The following DOCK1 variants were observed in gnomAD, a reference collection of about 807,000 sequenced individuals.
The protein encoded by DOCK1 is dedicator of cytokinesis protein 1.
In DOCK1, 138 loss-of-function variants were observed where a neutral mutation model predicts 262.7. That is an observed-to-expected ratio of 0.53 (90% CI 0.46 to 0.61). DOCK1 has a LOEUF of 0.61. Ranked by LOEUF, DOCK1 falls within the 20% of genes least tolerant of loss-of-function variation. The pLI, the probability that DOCK1 is intolerant of heterozygous loss-of-function variation, is 0.00. For missense variants in DOCK1, 1,908 were observed against 2,370.7 expected (o/e 0.80, Z 4.05); for synonymous variants, 866 against 867.4 (o/e 1.00, Z 0.03).
At chr10:127,107,232 T>G (rs2048585594) in intron 24 of DOCK1, among the ~76,000 whole-genome samples, 1 of 152,156 alleles carries the variant, frequency 6.6e-6, no homozygotes, top group Non-Finnish European at 1.5e-5. Flanking sequence ...AAGACACCAT[T>G]TTTTACCGGC....
At chr10:127,303,493 T>A (rs988966659) in intron 29 of DOCK1, among the ~76,000 whole-genome samples, 5 of 152,070 alleles carry the variant, frequency 3.3e-5, no homozygotes, top group African/African-American at 1.2e-4. Flanking sequence ...ACACTGATAC[T>A]TTCTGAGCTA....
At chr10:127,433,817 A>G (rs1018668585) in intron 48 of DOCK1, among the ~76,000 whole-genome samples, 1 of 151,374 alleles carries the variant, frequency 6.6e-6, no homozygotes, top group Admixed American at 6.6e-5. Context: ...ACAGTATGAG[A>G]TTGTTTTTGT....
intron 27 of DOCK1, among the ~76,000 whole-genome samples, chr10:127,225,076 CT>C (rs1401397174): frequency 6.6e-6 from 1 of 152,144 alleles, no homozygotes. Flanking sequence ...ACCATTAAAT[CT>C]ATTCTCTTCC....
chr10:127,387,538 C>T (rs1428076315), intron 38 of DOCK1, among the ~76,000 whole-genome samples: 2 of 152,162 alleles, frequency 1.3e-5, no homozygotes, highest in Admixed American at 6.5e-5. Flanking sequence ...TCTCCAGCCA[C>T]GGAAACATCC....
At chr10:126,934,534 A>G (rs929336709) in intron 1 of DOCK1, among the ~76,000 whole-genome samples, 2 of 152,220 alleles carry the variant, frequency 1.3e-5, no homozygotes, top group East Asian at 3.9e-4. Flanking sequence ...GAGTTATAAC[A>G]TTATCTTTAA....
chr10:126,963,633 C>CCTTCCTTCCTTCCTTCCTTCCTTCCTT (rs1491540313), intron 1 of DOCK1, among the ~76,000 whole-genome samples: 14 of 65,866 alleles, frequency 2.1e-4, no homozygotes, highest in African/African-American at 1.0e-3. Context: ...CCCTTCCCTT[C>CCTTCCTTCCTTCCTTCCTTCCTTCCTT]CCTTCCCTCC....
At chr10:127,393,286 C>A (rs781342779) in intron 38 of DOCK1, among the ~76,000 whole-genome samples, 3 of 152,178 alleles carry the variant, frequency 2.0e-5, no homozygotes, top group Non-Finnish European at 2.9e-5. Context: ...CCAGGTGGGA[C>A]GTCAGTCTGG....
At chr10:126,948,931 G>T (rs1454914245) in intron 1 of DOCK1, among the ~76,000 whole-genome samples, 2 of 152,158 alleles carry the variant, frequency 1.3e-5, no homozygotes, top group African/African-American at 2.4e-5. Context: ...CTGGTTGTAT[G>T]CCTGGGCCCC....
rs1318334486 is a variant in DOCK1 at position 127,437,258 on chromosome 10, C to A, written c.5061-1769C>A. Among the ~76,000 whole-genome samples the A allele has an allele frequency of 1.3e-5, 2 of 152,116 alleles. No homozygotes were observed. The highest frequency in any genetic ancestry group is 2.4e-5 in the African/African-American group (1 of 41,414). On this transcript the variant is annotated intron_variant, in intron 48 of 51. Coordinates refer to ENST00000623213, the MANE Select transcript of DOCK1 (RefSeq NM_001290223.2). This position sits in a 1 kb window ranked among gnomAD's most constrained non-coding sequence, Gnocchi z 4.4. ...AATACCATTATTGTTTACATAGTGA[C>A]CTGCAGCAGATCCTACTGCACAGCC...
Position 126,962,312 on chromosome 10 carries a change from G to A in DOCK1, c.47-8390G>A, listed in dbSNP as rs1433196246. On this transcript the variant is annotated intron_variant, in intron 1 of 51. Transcript: ENST00000623213. ...GTAGCTGGAACTCCAGGCGCGTGCC[G>A]CCATGCCCGACTAATTTTGCATTTT... Among the ~76,000 whole-genome samples the A allele has an allele frequency of 7.2e-5, 11 of 152,242 alleles. No individual in the cohort carries two copies. In the East Asian group the frequency reaches 1.9e-3, roughly 27 times the overall value.
chr10:127,215,732 G>T (rs981206803), intron 27 of DOCK1, among the ~76,000 whole-genome samples: 7 of 151,824 alleles, frequency 4.6e-5, no homozygotes, highest in African/African-American at 1.7e-4. Flanking sequence ...AAATAAGTAG[G>T]AAAAAAAGTC....
chr10:127,414,559 A>G (rs936168354), intron 43 of DOCK1, among the ~76,000 whole-genome samples: 2 of 152,252 alleles, frequency 1.3e-5, no homozygotes, highest in Admixed American at 1.3e-4. Flanking sequence ...AGTCTTGAAC[A>G]ATAGATACTA....
chr10:127,211,949 T>C (rs1259400396), intron 27 of DOCK1, among the ~76,000 whole-genome samples: 1 of 152,232 alleles, frequency 6.6e-6, no homozygotes, highest in East Asian at 1.9e-4. Flanking sequence ...AGTTTCAAAG[T>C]AGTGCCCTTT....
chr10:127,377,092 C>G (rs1185798282), intron 35 of DOCK1, among the ~76,000 whole-genome samples: 2 of 152,192 alleles, frequency 1.3e-5, no homozygotes, highest in Non-Finnish European at 2.9e-5. Flanking sequence ...CGTCCTGAAT[C>G]ATTTGATGAA....
intron 29 of DOCK1, among the ~76,000 whole-genome samples, chr10:127,303,501 C>T (rs1383520971): frequency 6.6e-6 from 1 of 151,840 alleles, no homozygotes; most frequent in Non-Finnish European, 1.5e-5. Context: ...ACTTTCTGAG[C>T]TAGGCACTGG....
At chr10:127,066,765 A>C (rs766947489) in intron 23 of DOCK1, among the ~76,000 whole-genome samples, 5 of 152,218 alleles carry the variant, frequency 3.3e-5, no homozygotes, top group African/African-American at 1.2e-4. Context: ...TTCTCAACTG[A>C]TTTAGTCTTT....
chr10:126,962,572 C>T (rs1037407653), intron 1 of DOCK1, among the ~76,000 whole-genome samples: 29 of 152,228 alleles, frequency 1.9e-4, no homozygotes, highest in Non-Finnish European at 1.0e-4. Context: ...GCTGGGATTA[C>T]AGGCATGAAC....
At chr10:127,243,007 G>A (rs1019222761) in intron 27 of DOCK1, among the ~76,000 whole-genome samples, 34 of 152,148 alleles carry the variant, frequency 2.2e-4, no homozygotes, top group East Asian at 1.9e-4. Context: ...TTAGAAGAAC[G>A]TTAAAATTTC....
At chr10:127,185,023 C>T (rs749878428) in intron 27 of DOCK1, among the ~76,000 whole-genome samples, 3 of 152,130 alleles carry the variant, frequency 2.0e-5, no homozygotes, top group Non-Finnish European at 4.4e-5. Flanking sequence ...TGCACAAGAC[C>T]ATGTAAGAGG....
Sources: allele counts gnomAD v4.1 joint callset (sites outside exome capture counted in the v4.1 genomes callset), GRCh38; gene constraint gnomAD v4.1.1; non-coding constraint Gnocchi (gnomAD v3.1); transcripts MANE v1.5; gene names NCBI Gene and HGNC (gene_info 2026-07-23, HGNC 2026-07-21).